The following MRTFB variants were observed in gnomAD, a reference collection of about 807,000 sequenced individuals.
The protein encoded by MRTFB is myocardin-related transcription factor B.
A neutral mutation model predicts 104.2 loss-of-function variants in MRTFB; 29 were observed. The observed-to-expected ratio is 0.28, with a 90% CI of 0.21 to 0.38. The LOEUF (loss-of-function observed/expected upper bound fraction) is 0.38, where lower values mean the gene tolerates loss of function less well. MRTFB is among the 10% of genes least tolerant of loss of function. The pLI is 1.00. For synonymous variants in MRTFB, 535 were observed against 519.5 expected, an observed-to-expected ratio of 1.03 and a Z score of -0.41; for missense variants, 1,270 against 1,341.6, an observed-to-expected ratio of 0.95 and a Z score of 0.83.
chr16:14,026,895 A>G, the MRTFB span, among the ~76,000 whole-genome samples: 1 of 151,948 alleles, frequency 6.6e-6, no homozygotes, highest in Non-Finnish European at 1.5e-5. Context: ...AAAAAAATTG[A>G]CATACCAAGT....
chr16:14,107,169 G>T (rs902626083), intron 2 of MRTFB, among the ~76,000 whole-genome samples: 1 of 152,214 alleles, frequency 6.6e-6, no homozygotes, highest in Non-Finnish European at 1.5e-5. Flanking sequence ...CTGAGAGGTG[G>T]AGATTACAGT....
chr16:14,138,133 A>G lies in MRTFB; in HGVS notation c.-63-2411A>G, dbSNP rs8048308. ...GATGTATGGGAAAGTAAAGACACTG[A>G]AGATATTTACCCCTCTTTCATCTTT... is the stretch of plus-strand genomic sequence containing the variant. On this transcript the variant is annotated intron_variant, in intron 2 of 16. Transcript: ENST00000571589. 1.7e-3 allele frequency among the ~76,000 whole-genome samples: 254 copies of G among 152,268 alleles called. 6 individuals are homozygous for G. Among genetic ancestry groups the G allele is most frequent in the Middle Eastern group, 6.8e-3 (2 of 294 alleles).
Position 14,200,423 on chromosome 16 carries a change from A to C in MRTFB, c.155-9820A>C, listed in dbSNP as rs972071717. ...ACTGTTTGATGCGGAAGAGGAGACG[A>C]CTAATAGACCAAGAAAAGTCAAAAT... is the stretch of plus-strand genomic sequence containing the variant. On this transcript the variant is annotated intron_variant, in intron 3 of 16. Coordinates refer to ENST00000571589, the MANE Select transcript of MRTFB (RefSeq NM_001308142.2). 6.8e-6 allele frequency: 11 copies of C among 1,608,666 alleles called. No individual in the cohort carries two copies. In the Admixed American group the frequency reaches 1.2e-4, roughly 17 times the overall value.
chr16:14,058,062 G>A, the MRTFB span, among the ~76,000 whole-genome samples: 1 of 152,144 alleles, frequency 6.6e-6, no homozygotes, highest in Non-Finnish European at 1.5e-5. Context: ...GAGAGCCTAC[G>A]GAGAGCCCGT....
chr16:14,036,300 A>T, the MRTFB span, among the ~76,000 whole-genome samples: 23 of 125,884 alleles, frequency 1.8e-4, 1 homozygote, highest in African/African-American at 6.2e-4. Context: ...ATATATTTAT[A>T]TATATATATA....
At chr16:14,173,168 T>C (rs1680945800) in intron 3 of MRTFB, among the ~76,000 whole-genome samples, 1 of 152,166 alleles carries the variant, frequency 6.6e-6, no homozygotes, top group South Asian at 2.1e-4. Flanking sequence ...TTGCTTTTCT[T>C]TTTCTGTGTT....
intron 1 of MRTFB, 21 bp downstream of exon 1, chr16:14,071,386 G>A (rs1398783060): frequency 1.8e-5 from 3 of 162,774 alleles, no homozygotes; most frequent in Admixed American, 6.5e-5. Flanking sequence ...GGCGGTGGCG[G>A]CCGTTGGGGG....
chr16:14,126,571 A>G (rs1172450763), intron 2 of MRTFB, among the ~76,000 whole-genome samples: 1 of 152,212 alleles, frequency 6.6e-6, no homozygotes, highest in Non-Finnish European at 1.5e-5. Flanking sequence ...CGGGAAACCA[A>G]GAATGTGGTA....
chr16:14,166,221 T>TTC (rs1555493222), intron 3 of MRTFB, among the ~76,000 whole-genome samples: 6 of 140,094 alleles, frequency 4.3e-5, no homozygotes, highest in African/African-American at 1.9e-4. Flanking sequence ...TCTTTTCTTT[T>TTC]TTTTTTTTTT....
chr16:14,080,964 T>C (rs1451523726), intron 2 of MRTFB, among the ~76,000 whole-genome samples: 4 of 152,206 alleles, frequency 2.6e-5, no homozygotes, highest in African/African-American at 9.7e-5. Flanking sequence ...CTGCAATAAA[T>C]GTGAGAGTGC....
At chr16:14,104,152 G>C (rs1252661501) in intron 2 of MRTFB, among the ~76,000 whole-genome samples, 1 of 152,222 alleles carries the variant, frequency 6.6e-6, no homozygotes, top group Non-Finnish European at 1.5e-5. Context: ...TTATAGAGTG[G>C]AGGGTGTGTT....
chr16:14,203,804 G>GAAAAA (rs908323645), intron 3 of MRTFB, among the ~76,000 whole-genome samples: 2 of 46,564 alleles, frequency 4.3e-5, no homozygotes, highest in Admixed American at 2.4e-4. Context: ...ACTCTGTCTC[G>GAAAAA]AAAAAAAAAA....
At chr16:14,236,869 A>T (rs1441323660) in intron 9 of MRTFB, among the ~76,000 whole-genome samples, 2 of 152,210 alleles carry the variant, frequency 1.3e-5, no homozygotes, top group East Asian at 3.8e-4. Flanking sequence ...GCACAGCAGG[A>T]GACAGTGGCA....
intron 2 of MRTFB, among the ~76,000 whole-genome samples, chr16:14,090,326 A>T (rs1003767568): frequency 6.6e-6 from 1 of 152,250 alleles, no homozygotes; most frequent in Non-Finnish European, 1.5e-5. Flanking sequence ...AGCTCATTCA[A>T]TGTGAGAAAA....
chr16:14,167,604 C>A (rs759684777), intron 3 of MRTFB, among the ~76,000 whole-genome samples: 4 of 151,992 alleles, frequency 2.6e-5, no homozygotes. Flanking sequence ...ATGGTATTGC[C>A]GAGATTTTCT....
the MRTFB span, among the ~76,000 whole-genome samples, chr16:14,057,851 C>A: frequency 1.2e-3 from 190 of 152,330 alleles, no homozygotes; most frequent in Middle Eastern, 0.01. Flanking sequence ...CAACTCTGAG[C>A]TCCTCCTGGG....
chr16:14,103,487 C>G (rs1003702190), intron 2 of MRTFB, among the ~76,000 whole-genome samples: 1 of 152,148 alleles, frequency 6.6e-6, no homozygotes, highest in African/African-American at 2.4e-5. Context: ...CCTTAGTGCC[C>G]TTGACAGCCC....
chr16:14,056,290 ATTC>A, the MRTFB span, among the ~76,000 whole-genome samples: 1 of 152,058 alleles, frequency 6.6e-6, no homozygotes, highest in Non-Finnish European at 1.5e-5. Flanking sequence ...ATTAATTGTA[ATTC>A]TTCTTAAGAA....
Position 14,261,846 on chromosome 16 carries a change from C to T in MRTFB, c.*402C>T, listed in dbSNP as rs767899575. Reference sequence around the variant, plus strand: ...CCTAAATAAAAGGCAGACAGCTCCACTCAAAAACTAAGGCTGATGTGAGGG... The same window carrying T: ...CCTAAATAAAAGGCAGACAGCTCCATTCAAAAACTAAGGCTGATGTGAGGG... On this transcript the variant is annotated 3_prime_UTR_variant, in exon 17 of 17. Transcript: ENST00000571589. 14 of 157,796 alleles carry T rather than the reference C, an allele frequency of 8.9e-5. No individual in the cohort carries two copies. Among genetic ancestry groups the T allele is most frequent in the Non-Finnish European group, 1.8e-4 (13 of 71,764 alleles). The allele number at this position is 157,796 out of a possible 1,614,324, so 9.8% of individuals were successfully genotyped here.
Sources: allele counts gnomAD v4.1 joint callset (sites outside exome capture counted in the v4.1 genomes callset), GRCh38; gene constraint gnomAD v4.1.1; transcripts MANE v1.5; gene names NCBI Gene and HGNC (gene_info 2026-07-23, HGNC 2026-07-21).